Variants in CLCN6 observed in about 807,000 individuals in gnomAD.
CLCN6 encodes H(+)/Cl(-) exchange transporter 6.
A neutral mutation model predicts 109.8 loss-of-function variants in CLCN6; 70 were observed. The ratio of observed to expected loss-of-function variants is 0.64; its 90% confidence interval spans 0.53 to 0.78. CLCN6 has a LOEUF of 0.78. CLCN6 is among the 30% of genes least tolerant of loss of function. CLCN6 has a pLI of 0.00. For synonymous variants in CLCN6, 444 were observed against 447.8 expected (o/e 0.99, Z 0.11); for missense variants, 984 against 1,142.3 (o/e 0.86, Z 2.00).
At chr1:11,829,558 C>T (rs1234038575) in intron 13 of CLCN6, among the ~76,000 whole-genome samples, 5 of 151,082 alleles carry the variant, frequency 3.3e-5, no homozygotes, top group African/African-American at 9.8e-5. Flanking sequence ...AGAGGGGAAC[C>T]TGGGAACAAC....
chr1:11,839,991 C>T (rs566024244), intron 22 of CLCN6, 152 bp from the exon 23 acceptor site: 11 of 691,166 alleles, frequency 1.6e-5, no homozygotes, highest in African/African-American at 7.0e-5. Context: ...TGTGAGCCCT[C>T]GTTAGCTGTT....
At chr1:11,832,607 G>A (rs1459224413) in intron 13 of CLCN6, among the ~76,000 whole-genome samples, 2 of 152,220 alleles carry the variant, frequency 1.3e-5, no homozygotes, top group Non-Finnish European at 2.9e-5. Context: ...TCACCTGGCG[G>A]GGTCACACAA....
intron 1 of CLCN6, 43 bp from the exon 2 acceptor site, chr1:11,807,088 C>A: frequency 1.3e-6 from 2 of 1,571,478 alleles, no homozygotes; most frequent in Non-Finnish European, 1.8e-6. Context: ...CCTTCCACTC[C>A]TAACCACTAA....
chr1:11,834,119 T>C lies in CLCN6; in HGVS notation c.1526+89T>C, dbSNP rs143908006. 6.3e-6 allele frequency: 10 copies of C among 1,593,444 alleles called. No individual in the cohort carries two copies. The highest frequency in any genetic ancestry group is 1.8e-5 in the Admixed American group (1 of 56,372). On this transcript the variant is annotated intron_variant, in intron 15 of 22. Coordinates refer to ENST00000346436, the MANE Select transcript of CLCN6 (RefSeq NM_001286.5). The surrounding 1 kb of genome is among the most constrained non-coding windows in gnomAD (Gnocchi z 4.5). ...ATGTGTGTGCGTGTGCGTGCGTTGATGTGTCTGTGCCCATGCATGCACATA... is the reference window on the plus strand; with the variant it reads ...ATGTGTGTGCGTGTGCGTGCGTTGACGTGTCTGTGCCCATGCATGCACATA...
At chr1:11,838,814 T>G (rs1310403180) in intron 22 of CLCN6, 154 bp downstream of exon 22, 1 of 1,120,750 alleles carries the variant, frequency 8.9e-7, no homozygotes, top group African/African-American at 1.5e-5. Context: ...TCGGCTTCCG[T>G]GCACTCGGGA....
intron 17 of CLCN6, 70 bp from the exon 18 acceptor site, chr1:11,835,897 C>G: frequency 6.8e-7 from 1 of 1,465,760 alleles, no homozygotes; most frequent in Non-Finnish European, 9.3e-7. Flanking sequence ...GGCTGGAGAG[C>G]CAGCACAGCT....
chr1:11,828,222 A>G lies in CLCN6; in HGVS notation c.954+3A>G. 6.2e-7 allele frequency: 1 copy of G among 1,609,526 alleles called. No individual in the cohort carries two copies. The highest frequency in any genetic ancestry group is 8.5e-7 in the Non-Finnish European group (1 of 1,175,948). Reference sequence around the variant, plus strand: ...TGCTGAACTTTGGCGAGTTTAAGGTATGTTTTGTCCTTTCCCCAAGGATTT... The same window carrying G: ...TGCTGAACTTTGGCGAGTTTAAGGTGTGTTTTGTCCTTTCCCCAAGGATTT... On this transcript the variant is annotated splice_donor_region_variant and intron_variant, in intron 11 of 22. Transcript: ENST00000346436.
chr1:11,837,257 A>T, intron 19 of CLCN6, 86 bp from the exon 20 acceptor site: 1 of 1,585,900 alleles, frequency 6.3e-7, no homozygotes, highest in Non-Finnish European at 8.6e-7. Context: ...TTCCTGGGAA[A>T]GTTGGATGGG....
In CLCN6 at chr1:11,838,250, T is replaced by C. The variant is rs1644974757; in HGVS notation, c.2296-85T>C. ...CCTCAGCAGCCTGGAGCTGGGCATA[T>C]TCAGGCATCAAGGGGAGGGGCTCTA... On this transcript the variant is annotated intron_variant, in intron 20 of 22. Coordinates refer to ENST00000346436, the MANE Select transcript of CLCN6 (RefSeq NM_001286.5). The C allele has an allele frequency of 2.5e-6, 3 of 1,208,374 alleles. No individual in the cohort carries two copies. The East Asian group carries it at 7.3e-5, about 29-fold the overall frequency. The allele number at this position is 1,208,374 out of a possible 1,614,324, so 74.9% of individuals were successfully genotyped here.
At chr1:11,823,897 G>A (rs1253015883) in intron 7 of CLCN6, 64 bp downstream of exon 7, 1 of 1,595,586 alleles carries the variant, frequency 6.3e-7, no homozygotes, top group African/African-American at 1.3e-5. Flanking sequence ...GAAGCATGAT[G>A]TATTTCAGTT....
At position 11,838,517 on chromosome 1, in the gene CLCN6, C is replaced by CA; in HGVS notation, c.2404-17dup. ...CGTTGGCGTCTCAGGCAGTCAGTGACACGTGGTCTCTTTGCAGGATGTCAC... is the reference window on the plus strand; with the variant it reads ...CGTTGGCGTCTCAGGCAGTCAGTGACAACGTGGTCTCTTTGCAGGATGTCAC... On this transcript the variant is annotated splice_polypyrimidine_tract_variant and intron_variant, in intron 21 of 22. Coordinates refer to ENST00000346436, the MANE Select transcript of CLCN6 (RefSeq NM_001286.5). The CA allele has an allele frequency of 6.2e-7, 1 of 1,607,214 alleles. No homozygotes were observed. Among genetic ancestry groups the CA allele is most frequent in the Non-Finnish European group, 8.5e-7 (1 of 1,174,340 alleles).
Position 11,824,992 on chromosome 1 carries a change from C to T in CLCN6, c.648+439C>T, listed in dbSNP as rs187708888. Reference sequence around the variant, plus strand: ...CTAATTATGGTCTGTGTGCCAGACGCCATGTATACTAACTGCTTTCTCCTT... The same window carrying T: ...CTAATTATGGTCTGTGTGCCAGACGTCATGTATACTAACTGCTTTCTCCTT... On this transcript the variant is annotated intron_variant, in intron 8 of 22. Transcript: ENST00000346436. Among the ~76,000 whole-genome samples the T allele has an allele frequency of 1.2e-4, 18 of 152,266 alleles. No homozygotes were observed. The South Asian group carries it at 2.9e-3, about 25-fold the overall frequency.
intron 9 of CLCN6, among the ~76,000 whole-genome samples, chr1:11,826,448 A>G (rs1323943347): frequency 6.6e-6 from 1 of 152,346 alleles, no homozygotes; most frequent in East Asian, 1.9e-4. Context: ...GCAAATGAAG[A>G]TGGTCCCAGA....
chr1:11,809,445 A>C (rs1644568426), intron 2 of CLCN6, among the ~76,000 whole-genome samples: 1 of 151,858 alleles, frequency 6.6e-6, no homozygotes, highest in Non-Finnish European at 1.5e-5. Flanking sequence ...TATTCATGTA[A>C]ATTTTTGTTG....
At chr1:11,836,465 G>A (rs982898680) in intron 18 of CLCN6, among the ~76,000 whole-genome samples, 1 of 152,140 alleles carries the variant, frequency 6.6e-6, no homozygotes, top group Non-Finnish European at 1.5e-5. Flanking sequence ...CAACAGAAAT[G>A]GACTTCGACC....
chr1:11,806,598 T>G (rs941701449), intron 1 of CLCN6: 14 of 460,462 alleles, frequency 3.0e-5, no homozygotes, highest in Non-Finnish European at 3.4e-5. Flanking sequence ...CCATGTTTCC[T>G]TTTATTTCCA....
intron 4 of CLCN6, among the ~76,000 whole-genome samples, 185 bp from the exon 5 acceptor site, chr1:11,819,303 G>A (rs2076002): frequency 0.099 from 15,065 of 151,784 alleles, 806 homozygotes; most frequent in South Asian, 0.16. Flanking sequence ...GGGGCAGTGG[G>A]ACTGGGCTGG....
In CLCN6 at chr1:11,825,114, A is replaced by G. The variant is rs534562865; in HGVS notation, c.648+561A>G. Among the ~76,000 whole-genome samples the G allele has an allele frequency of 2.0e-5, 3 of 152,328 alleles. No individual in the cohort carries two copies. In the South Asian group the frequency reaches 6.2e-4, roughly 32 times the overall value. On this transcript the variant is annotated intron_variant, in intron 8 of 22. Coordinates refer to ENST00000346436, the MANE Select transcript of CLCN6 (RefSeq NM_001286.5). ...TTGAGGTACTAGCTCGAGACCTCAAAGCTCCCATTCTTGGGGGCTACTCCA... is the reference window on the plus strand; with the variant it reads ...TTGAGGTACTAGCTCGAGACCTCAAGGCTCCCATTCTTGGGGGCTACTCCA...
At chr1:11,828,690 A>T in intron 12 of CLCN6, 66 bp downstream of exon 12, 1 of 1,499,830 alleles carries the variant, frequency 6.7e-7, no homozygotes, top group Non-Finnish European at 9.0e-7. Flanking sequence ...GGGCCGCGCC[A>T]TCTCTCCCGA....
Sources: gnomAD v4.1 joint callset for allele counts (sites outside exome capture counted in the v4.1 genomes callset) on GRCh38, gnomAD v4.1.1 for gene constraint, Gnocchi (gnomAD v3.1) non-coding constraint, MANE v1.5 for transcripts, NCBI Gene and HGNC (gene_info 2026-07-23, HGNC 2026-07-21) for gene names.